The following ARHGEF10L variants were observed in gnomAD, a reference collection of about 807,000 sequenced individuals.
ARHGEF10L encodes the protein rho guanine nucleotide exchange factor 10-like protein.
A neutral mutation model predicts 141.2 loss-of-function variants in ARHGEF10L; 69 were observed. The observed-to-expected ratio is 0.49, with a 90% CI of 0.40 to 0.60. The LOEUF (loss-of-function observed/expected upper bound fraction) is 0.60, where lower values mean the gene tolerates loss of function less well. Among genes scored for constraint, ARHGEF10L ranks in the 20% least tolerant of loss-of-function variants. ARHGEF10L has a pLI of 0.00. For missense variants in ARHGEF10L, 1,482 were observed against 1,734.3 expected (o/e 0.85, Z 2.58); for synonymous variants, 711 against 718.5 (o/e 0.99, Z 0.17).
At position 17,603,970 on chromosome 1, in the gene ARHGEF10L, G is replaced by A. The variant is rs750374490; in HGVS notation, c.433+379G>A. On this transcript the variant is annotated intron_variant, in intron 6 of 28. Coordinates refer to ENST00000361221, the MANE Select transcript of ARHGEF10L (RefSeq NM_018125.4). This position sits in a 1 kb window ranked among gnomAD's most constrained non-coding sequence, Gnocchi z 4.8. ...CAGATAAAGCTTTGCAAAGCCCTGC[G>A]CCCTGCTCTGGGTTGAGGGCTGAGG... Among the ~76,000 whole-genome samples the A allele has an allele frequency of 1.3e-5, 2 of 152,162 alleles. No individual in the cohort carries two copies. The highest frequency in any genetic ancestry group is 6.5e-5 in the Admixed American group (1 of 15,282).
At chr1:17,658,973 GGGGGAACCC>G (rs897258175) in intron 25 of ARHGEF10L, among the ~76,000 whole-genome samples, 3 of 152,184 alleles carry the variant, frequency 2.0e-5, no homozygotes, top group Non-Finnish European at 4.4e-5. Flanking sequence ...TTGATTTGGT[GGGGGAACCC>G]GGAGAGGAAG....
the ARHGEF10L span, among the ~76,000 whole-genome samples, chr1:17,527,616 A>C: frequency 1.1e-4 from 17 of 149,960 alleles, no homozygotes; most frequent in Non-Finnish European, 2.2e-4. Flanking sequence ...GCTTGATCAG[A>C]CTCTGTGCAC....
intron 26 of ARHGEF10L, among the ~76,000 whole-genome samples, chr1:17,683,439 C>T (rs546916490): frequency 3.3e-5 from 5 of 151,990 alleles, no homozygotes; most frequent in African/African-American, 1.2e-4. Flanking sequence ...GCTCACTGCC[C>T]CCTGCTCTCA....
At chr1:17,688,190 A>G (rs1221037313) in intron 27 of ARHGEF10L, among the ~76,000 whole-genome samples, 1 of 152,194 alleles carries the variant, frequency 6.6e-6, no homozygotes, top group Non-Finnish European at 1.5e-5. Flanking sequence ...TTTTTCTGAG[A>G]AAGGCAAATT....
chr1:17,618,329 G>A lies in ARHGEF10L; in HGVS notation c.836-1010G>A, dbSNP rs754497512. 20 of 1,528,002 alleles carry A rather than the reference G, an allele frequency of 1.3e-5. No homozygotes were observed. In the South Asian group the frequency reaches 2.5e-4, roughly 19 times the overall value. 94.7% of individuals were successfully genotyped at this position (1,528,002 alleles called of 1,614,324 possible). ...TGCAGAGGCGATATTAATAGCCGTG[G>A]CAGGGCTCGAATCACAGGCCAAGAA... On this transcript the variant is annotated intron_variant, in intron 9 of 28. Coordinates refer to ENST00000361221, the MANE Select transcript of ARHGEF10L (RefSeq NM_018125.4).
At chr1:17,536,651 G>C (rs1434627677), upstream of ARHGEF10L, among the ~76,000 whole-genome samples, 1 of 152,166 alleles carries the variant, frequency 6.6e-6, no homozygotes, top group East Asian at 1.9e-4. Flanking sequence ...TTTCTCGCCA[G>C]AGTGGAGAGT....
At chr1:17,686,244 A>T (rs1569701784) in intron 26 of ARHGEF10L, among the ~76,000 whole-genome samples, 2 of 151,436 alleles carry the variant, frequency 1.3e-5, no homozygotes, top group Admixed American at 1.3e-4. Flanking sequence ...TGGCTTGGGG[A>T]TTTGGGTTGT....
chr1:17,603,298 G>C lies in ARHGEF10L; in HGVS notation c.350-210G>C, dbSNP rs1328553255. 7.4e-6 allele frequency among the ~76,000 whole-genome samples: 1 copy of C among 134,812 alleles called. No individual in the cohort carries two copies. The highest frequency in any genetic ancestry group is 2.7e-5 in the African/African-American group (1 of 37,106). 88.4% of individuals were successfully genotyped at this position (134,812 alleles called of 152,430 possible). ...CCAGGTGGGGTCTGTGCAGTCACTGGGAGGGCGCCTTGGAGGGGGTGGGGG... is the reference window on the plus strand; with the variant it reads ...CCAGGTGGGGTCTGTGCAGTCACTGCGAGGGCGCCTTGGAGGGGGTGGGGG... On this transcript the variant is annotated intron_variant, in intron 5 of 28. Coordinates refer to ENST00000361221, the MANE Select transcript of ARHGEF10L (RefSeq NM_018125.4). This position sits in a 1 kb window ranked among gnomAD's most constrained non-coding sequence, Gnocchi z 4.8.
At position 17,621,760 on chromosome 1, in the gene ARHGEF10L, A is replaced by G; in HGVS notation, c.943-104A>G. The stretch of plus-strand genomic sequence containing the variant: ...CCAGTGGTCCCAGGTGGGACCTGGG[A>G]GGGATGGGTTTCTCTGTCCTATAGT... On this transcript the variant is annotated intron_variant, in intron 10 of 28. Coordinates refer to ENST00000361221, the MANE Select transcript of ARHGEF10L (RefSeq NM_018125.4). The surrounding 1 kb of genome is among the most constrained non-coding windows in gnomAD (Gnocchi z 4.1). 9.7e-7 allele frequency: 1 copy of G among 1,031,424 alleles called. No homozygotes were observed. Among genetic ancestry groups the G allele is most frequent in the South Asian group, 1.3e-5 (1 of 76,812 alleles). 63.9% of individuals were successfully genotyped at this position (1,031,424 alleles called of 1,614,324 possible). A position where few individuals can be genotyped will look rare whatever the true frequency, so the allele number is the denominator to read the frequency against.
chr1:17,520,060 C>A, the ARHGEF10L span, among the ~76,000 whole-genome samples: 2 of 152,182 alleles, frequency 1.3e-5, no homozygotes, highest in African/African-American at 4.8e-5. Flanking sequence ...GGGCAGTGGT[C>A]GGAGCTCAGC....
chr1:17,563,546 T>C (rs1336608392), intron 1 of ARHGEF10L, among the ~76,000 whole-genome samples: 2 of 152,158 alleles, frequency 1.3e-5, no homozygotes, highest in Non-Finnish European at 2.9e-5. Context: ...CTTTTTCTTT[T>C]CTGTTTGTTC....
chr1:17,654,207 G>T lies in ARHGEF10L; in HGVS notation c.2395-429G>T, dbSNP rs1056926817. Among the ~76,000 whole-genome samples the T allele has an allele frequency of 6.6e-6, 1 of 152,184 alleles. No individual in the cohort carries two copies. Among genetic ancestry groups the T allele is most frequent in the African/African-American group, 2.4e-5 (1 of 41,444 alleles). On this transcript the variant is annotated intron_variant, in intron 22 of 28. Coordinates refer to ENST00000361221, the MANE Select transcript of ARHGEF10L (RefSeq NM_018125.4). The surrounding 1 kb of genome is among the most constrained non-coding windows in gnomAD (Gnocchi z 4.3). ...GCGGAAGGTGGTTACTGGTGACAGC[G>T]GTGACAGGCTGAGCCCTGGTTTCTG...
rs534293341 is a variant in ARHGEF10L at position 17,665,160 on chromosome 1, C to T, written c.3009+565C>T. On this transcript the variant is annotated intron_variant, in intron 26 of 28. Transcript: ENST00000361221. ...CTTCACACCTGCAGTCCATCCTGGG[C>T]GGGAGACTCAGCATGGTTCCCCAAG... 6.9e-4 allele frequency among the ~76,000 whole-genome samples: 105 copies of T among 152,282 alleles called. 1 individual carries two copies. The highest frequency in any genetic ancestry group is 1.1e-3 in the Non-Finnish European group (78 of 68,018).
chr1:17,623,095 T>A lies in ARHGEF10L; in HGVS notation c.1120T>A (p.Ser374Thr). The A allele has an allele frequency of 1.9e-6, 3 of 1,614,154 alleles. No individual in the cohort carries two copies. The highest frequency in any genetic ancestry group is 2.5e-6 in the Non-Finnish European group (3 of 1,180,014). ...FRVKEILHCH[S>T]MFQIALSSRV... ...CGTGAAGGAGATCCTGCACTGCCAC[T>A]CCATGTTCCAGATCGCCCTGTCCTC... Residue 374 changes from serine (S) to threonine (T), a missense_variant, in exon 12 of 29, where the codon TCC (serine) becomes ACC (threonine). By Grantham distance (58) the Ser-to-Thr change is moderately conservative. This residue lies in a region of ARHGEF10L where 392 missense variants were observed against 542.1 expected (regional missense o/e 0.72). Coordinates refer to ENST00000361221, the MANE Select transcript of ARHGEF10L (RefSeq NM_018125.4). The surrounding 1 kb of genome is among the most constrained non-coding windows in gnomAD (Gnocchi z 4.7).
At chr1:17,682,198 T>C (rs540012147) in intron 26 of ARHGEF10L, among the ~76,000 whole-genome samples, 1 of 152,298 alleles carries the variant, frequency 6.6e-6, no homozygotes, top group Non-Finnish European at 1.5e-5. Context: ...AGTCACTGCC[T>C]TCAGGCTCTT....
At chr1:17,570,652 C>T (rs754952375) in intron 1 of ARHGEF10L, among the ~76,000 whole-genome samples, 4 of 151,900 alleles carry the variant, frequency 2.6e-5, no homozygotes, top group Admixed American at 6.6e-5. Context: ...TGAACTTGGC[C>T]GCTGTGCTGA....
chr1:17,676,286 G>A (rs1248551851), intron 26 of ARHGEF10L, among the ~76,000 whole-genome samples: 1 of 136,222 alleles, frequency 7.3e-6, no homozygotes, highest in Non-Finnish European at 1.6e-5. Flanking sequence ...AGTTGCAGGT[G>A]TGGGTGAGGT....
At chr1:17,681,434 C>T (rs79356014) in intron 26 of ARHGEF10L, among the ~76,000 whole-genome samples, 2,060 of 152,362 alleles carry the variant, frequency 0.014, 51 homozygotes, top group Admixed American at 0.061. Context: ...CCTGAAATCA[C>T]AGGCAGCCTT....
chr1:17,587,334 C>T (rs768237703), intron 2 of ARHGEF10L, 126 bp from the exon 3 acceptor site: 2 of 963,884 alleles, frequency 2.1e-6, no homozygotes, highest in Non-Finnish European at 3.0e-6. Flanking sequence ...AGTTTGATGG[C>T]TCTCATTCCC....
Sources: gnomAD v4.1 joint callset for allele counts (sites outside exome capture counted in the v4.1 genomes callset) on GRCh38, gnomAD v4.1.1 for gene constraint, gnomAD v4.1.1 regional missense constraint, Gnocchi (gnomAD v3.1) non-coding constraint, MANE v1.5 for transcripts, NCBI Gene and HGNC (gene_info 2026-07-23, HGNC 2026-07-21) for gene names.